Variants in RYR3 observed in about 807,000 individuals in gnomAD.
RYR3 encodes ryanodine receptor 3, also known as brain ryanodine receptor-calcium release channel.
Under a neutral mutation model 584.3 loss-of-function variants are expected in RYR3, and 207 were observed. The ratio of observed to expected loss-of-function variants is 0.35; its 90% CI spans 0.32 to 0.40. The LOEUF is 0.40. Ranked by LOEUF, RYR3 falls within the 10% of genes least tolerant of loss-of-function variation. The pLI, the probability that RYR3 is intolerant of heterozygous loss-of-function variation, is 1.00. For missense variants in RYR3, 5,616 were observed against 6,089.2 expected, an observed-to-expected ratio of 0.92 and a Z score of 2.59; for synonymous variants, 2,416 against 2,248.5, an observed-to-expected ratio of 1.07 and a Z score of -2.11.
Position 33,356,891 on chromosome 15 carries a change from C to T in RYR3, c.51+45795C>T, listed in dbSNP as rs7162090. Among the ~76,000 whole-genome samples the T allele has an allele frequency of 5.0e-3, 764 of 152,186 alleles. 6 individuals carry two copies. Among genetic ancestry groups the T allele is most frequent in the African/African-American group, 0.018 (729 of 41,530 alleles). On this transcript the variant is annotated intron_variant, in intron 1 of 103. Coordinates refer to ENST00000634891, the MANE Select transcript of RYR3 (RefSeq NM_001036.6). ...ATTATAATATGGAAAAATAGGCCTT[C>T]GGGGGCCATAGTTGAGCAATACCAT...
Position 33,857,795 on chromosome 15 carries a change from G to A in RYR3, c.14023G>A (p.Gly4675Ser), listed in dbSNP as rs767925030. 1.9e-5 allele frequency: 30 copies of A among 1,613,872 alleles called. No individual in the cohort carries two copies. Among genetic ancestry groups the A allele is most frequent in the East Asian group, 2.2e-5 (1 of 44,894 alleles). ...HNGKQLVLTVGLLAVVVYLYT... is the reference protein window; with the variant it reads ...HNGKQLVLTVSLLAVVVYLYT... ...TCATTCCCAGTTGGTTCTGACTGTC[G>A]GTCTCCTGGCCGTGGTGGTTTATCT... The change falls in exon 99 of 104, where the codon GGT becomes AGT. Residue 4675 changes from glycine (G) to serine (S), a missense_variant. Gly to Ser is a moderately conservative substitution (Grantham distance 56, BLOSUM62 0). This residue lies in a region of RYR3 where 918 missense variants were observed against 887.4 expected (regional missense o/e 1.03). Transcript: ENST00000634891.
intron 2 of RYR3, among the ~76,000 whole-genome samples, chr15:33,502,703 T>C (rs1229061668): frequency 6.6e-6 from 1 of 152,216 alleles, no homozygotes; most frequent in Non-Finnish European, 1.5e-5. Flanking sequence ...AACTTTAATA[T>C]TTTTCTTAGT....
chr15:33,321,932 C>T (rs1365083546), intron 1 of RYR3, among the ~76,000 whole-genome samples: 1 of 152,154 alleles, frequency 6.6e-6, no homozygotes, highest in African/African-American at 2.4e-5. Context: ...AACTAATTCA[C>T]AGAGAAGGGG....
At chr15:33,692,476 C>G (rs2065502800) in intron 38 of RYR3, among the ~76,000 whole-genome samples, 1 of 152,136 alleles carries the variant, frequency 6.6e-6, no homozygotes, top group Admixed American at 6.5e-5. Context: ...TTGTTTCTCT[C>G]ACTTACTGCA....
chr15:33,518,356 A>C (rs191607962), intron 3 of RYR3, among the ~76,000 whole-genome samples: 1 of 152,022 alleles, frequency 6.6e-6, no homozygotes, highest in Non-Finnish European at 1.5e-5. Flanking sequence ...TTTTTTCTTC[A>C]CTGGAGGAGG....
At chr15:33,636,707 C>A (rs1566838756) in intron 27 of RYR3, among the ~76,000 whole-genome samples, 157 bp downstream of exon 27, 1 of 152,208 alleles carries the variant, frequency 6.6e-6, no homozygotes, top group Admixed American at 6.5e-5. Context: ...CTAGCAATTT[C>A]AAAGAATTAG....
At chr15:33,730,216 TG>T (rs1304583830) in intron 47 of RYR3, among the ~76,000 whole-genome samples, 1 of 152,058 alleles carries the variant, frequency 6.6e-6, no homozygotes, top group African/African-American at 2.4e-5. Flanking sequence ...TCTTAACTCA[TG>T]GGATCTCCCC....
chr15:33,736,393 T>A, intron 49 of RYR3, 68 bp downstream of exon 49: 1 of 1,045,526 alleles, frequency 9.6e-7, no homozygotes, highest in South Asian at 1.4e-5. Context: ...ATATGTGATG[T>A]CTTCACAATT....
Position 33,785,740 on chromosome 15 carries a change from A to G in RYR3, c.9347A>G (p.Asp3116Gly), listed in dbSNP as rs1215818268. The stretch of plus-strand genomic sequence containing the variant: ...GAAGGCCTGATGAAGGAAATCAACG[A>G]CCTGGCCGAGTCAGGGGCCCGGTAC... ...QLEGLMKEIN[D>G]LAESGARYTE... Residue 3116 changes from aspartate (D) to glycine (G), a missense_variant, in exon 66 of 104, where the codon GAC becomes GGC. Transcript: ENST00000634891. The G allele has an allele frequency of 1.9e-6, 3 of 1,613,692 alleles. No homozygotes were observed. Among genetic ancestry groups the G allele is most frequent in the Non-Finnish European group, 2.5e-6 (3 of 1,179,840 alleles).
At chr15:33,428,760 G>C (rs2141698756) in intron 1 of RYR3, among the ~76,000 whole-genome samples, 1 of 152,148 alleles carries the variant, frequency 6.6e-6, no homozygotes, top group African/African-American at 2.4e-5. Flanking sequence ...TTTAAGATGA[G>C]TAATAAACAG....
intron 31 of RYR3, among the ~76,000 whole-genome samples, chr15:33,650,487 T>A (rs1247272651): frequency 6.6e-6 from 1 of 152,216 alleles, no homozygotes; most frequent in Non-Finnish European, 1.5e-5. Context: ...GATTTCCTTA[T>A]CTAAAGATGA....
intron 1 of RYR3, among the ~76,000 whole-genome samples, chr15:33,467,011 CA>C (rs2048545765): frequency 6.6e-6 from 1 of 151,518 alleles, no homozygotes; most frequent in African/African-American, 2.4e-5. Context: ...CTCGTCATTC[CA>C]AAAAGCCCAC....
At chr15:33,327,213 T>C (rs965929260) in intron 1 of RYR3, among the ~76,000 whole-genome samples, 1 of 152,226 alleles carries the variant, frequency 6.6e-6, no homozygotes, top group African/African-American at 2.4e-5. Flanking sequence ...CAGAAGCTGA[T>C]GAGCACTGGA....
At chr15:33,514,244 CG>C (rs2053301377) in intron 3 of RYR3, among the ~76,000 whole-genome samples, 2 of 152,118 alleles carry the variant, frequency 1.3e-5, no homozygotes, top group Non-Finnish European at 1.5e-5. Context: ...GCATTGGCAC[CG>C]GCACTGATAA....
Position 33,670,531 on chromosome 15 carries a change from G to T in RYR3, c.5835G>T (p.Pro1945=). 1 of 1,594,564 alleles carries T rather than the reference G, an allele frequency of 6.3e-7. No individual in the cohort carries two copies. Among genetic ancestry groups the T allele is most frequent in the Non-Finnish European group, 8.5e-7 (1 of 1,173,436 alleles). The change falls in exon 38 of 104, where the codon CCG becomes CCT. Residue 1945 remains proline (P), a synonymous_variant. Transcript: ENST00000634891. The part of the protein sequence containing the change: ...KGPPKPEKEQ[P]TEEEERCPTT... ...CACCCAAGCCAGAGAAGGAGCAGCC[G>T]ACGGAGGAGGAGGAGAGATGCCCCA...
intron 16 of RYR3, 81 bp from the exon 17 acceptor site, chr15:33,601,338 C>T: frequency 1.4e-6 from 2 of 1,393,660 alleles, no homozygotes; most frequent in South Asian, 1.3e-5. Flanking sequence ...TTTATGGACT[C>T]CTTCCCTCAT....
chr15:33,855,420 T>C (rs936907007), intron 98 of RYR3, among the ~76,000 whole-genome samples: 13 of 152,198 alleles, frequency 8.5e-5, no homozygotes, highest in Non-Finnish European at 1.6e-4. Context: ...GCCAGGCTGG[T>C]CTCAAACGCC....
chr15:33,812,775 C>G (rs543722628), intron 72 of RYR3, 88 bp from the exon 73 acceptor site: 295 of 1,331,006 alleles, frequency 2.2e-4, no homozygotes, highest in Non-Finnish European at 2.9e-4. Flanking sequence ...AGTCTTGACT[C>G]CTACAGAACC....
intron 8 of RYR3, among the ~76,000 whole-genome samples, chr15:33,547,035 T>C (rs570694549): frequency 6.0e-4 from 92 of 152,292 alleles, no homozygotes; most frequent in African/African-American, 2.0e-3. Flanking sequence ...TACCAGGTAA[T>C]CTGGGGACTG....
Sources: gnomAD v4.1 joint callset for allele counts (sites outside exome capture counted in the v4.1 genomes callset) on GRCh38, gnomAD v4.1.1 for gene constraint, gnomAD v4.1.1 regional missense constraint, MANE v1.5 for transcripts, NCBI Gene and HGNC (gene_info 2026-07-23, HGNC 2026-07-21) for gene names.